Variants in RBFOX1 observed in about 807,000 individuals in gnomAD.
RBFOX1 encodes the protein RNA binding fox-1 homolog 1.
RBFOX1 carries 8 observed loss-of-function variants against 57.7 expected under a neutral mutation model. The ratio of observed to expected loss-of-function variants is 0.14; its 90% CI spans 0.08 to 0.25. The LOEUF is 0.25. RBFOX1 is among the 10% of genes least tolerant of loss of function. The pLI is 1.00. For synonymous variants in RBFOX1, 326 were observed against 222.4 expected (o/e 1.47, Z -4.15); for missense variants, 611 against 548.5 (o/e 1.11, Z -1.14).
chr16:5,391,624 G>C (rs1004269014), intron 1 of RBFOX1, among the ~76,000 whole-genome samples: 7 of 152,152 alleles, frequency 4.6e-5, no homozygotes, highest in Admixed American at 1.3e-4. Flanking sequence ...TCCTCCTGAA[G>C]GCTGTCTGTT....
At chr16:7,374,196 A>G (rs1283468841) in intron 4 of RBFOX1, among the ~76,000 whole-genome samples, 1 of 152,120 alleles carries the variant, frequency 6.6e-6, no homozygotes, top group Non-Finnish European at 1.5e-5. Flanking sequence ...TGGAGCATGA[A>G]TTTTGGGGAT....
chr16:7,348,197 C>T (rs551101262), intron 4 of RBFOX1, among the ~76,000 whole-genome samples: 3 of 152,086 alleles, frequency 2.0e-5, no homozygotes. Flanking sequence ...ATGCATATAC[C>T]ACATAGATAC....
intron 14 of RBFOX1, 47 bp downstream of exon 14, chr16:7,676,885 T>C: frequency 1.3e-6 from 2 of 1,528,274 alleles, no homozygotes; most frequent in Non-Finnish European, 1.8e-6. Flanking sequence ...TAAATTAACT[T>C]AGTTGATGGG....
At chr16:5,500,532 C>A (rs1385252768) in intron 2 of RBFOX1, among the ~76,000 whole-genome samples, 1 of 152,126 alleles carries the variant, frequency 6.6e-6, no homozygotes, top group South Asian at 2.1e-4. Flanking sequence ...GAGTATCAGG[C>A]TTTCAAATGT....
intron 2 of RBFOX1, among the ~76,000 whole-genome samples, chr16:6,383,893 GT>G (rs942563715): frequency 2.0e-5 from 3 of 151,970 alleles, no homozygotes; most frequent in African/African-American, 4.8e-5. Context: ...TCTGGTTTTT[GT>G]TTTGTTTTTT....
At chr16:5,327,946 A>G (rs2064631924) in intron 1 of RBFOX1, among the ~76,000 whole-genome samples, 1 of 152,136 alleles carries the variant, frequency 6.6e-6, no homozygotes, top group Admixed American at 6.5e-5. Flanking sequence ...TGTTTCTCTG[A>G]TTATTTCTAC....
chr16:7,467,297 A>T (rs74346138), intron 4 of RBFOX1, among the ~76,000 whole-genome samples: 2 of 152,164 alleles, frequency 1.3e-5, no homozygotes, highest in South Asian at 2.1e-4. Context: ...GCTGCTGGGT[A>T]TGGCTGTTGC....
chr16:6,110,031 A>C (rs1020282509), intron 1 of RBFOX1, among the ~76,000 whole-genome samples: 3 of 152,130 alleles, frequency 2.0e-5, no homozygotes, highest in African/African-American at 7.2e-5. Flanking sequence ...AATACCACAC[A>C]TGGAATAAAT....
chr16:5,447,605 C>T (rs985169396), intron 1 of RBFOX1, among the ~76,000 whole-genome samples: 8 of 152,194 alleles, frequency 5.3e-5, no homozygotes, highest in Non-Finnish European at 8.8e-5. Context: ...ACCATGTTGG[C>T]CAGGCTGATG....
intron 4 of RBFOX1, among the ~76,000 whole-genome samples, chr16:7,157,294 A>G (rs2077354501): frequency 6.6e-6 from 1 of 152,218 alleles, no homozygotes; most frequent in African/African-American, 2.4e-5. Context: ...ATGCTTGATT[A>G]CTAAATGAAT....
intron 1 of RBFOX1, among the ~76,000 whole-genome samples, chr16:6,044,863 C>T (rs1185407145): frequency 6.6e-6 from 1 of 152,188 alleles, no homozygotes. Context: ...TGTTTCTGTA[C>T]TGTTCGCTGT....
intron 2 of RBFOX1, among the ~76,000 whole-genome samples, chr16:6,514,283 T>G (rs1347123331): frequency 2.1e-4 from 32 of 152,190 alleles, no homozygotes; most frequent in Admixed American, 2.0e-3. Flanking sequence ...TTCCACTTCA[T>G]CTTACCATAT....
Position 7,180,947 on chromosome 16 carries a change from C to T in RBFOX1, c.27+128849C>T, listed in dbSNP as rs180704879. ...GGGTGGTGGACCATACGGTCTGTGT[C>T]ACAACTACTCAGCTTTGCAGTTGTA... On this transcript the variant is annotated intron_variant, in intron 4 of 15. Coordinates refer to ENST00000550418, the MANE Select transcript of RBFOX1 (RefSeq NM_018723.4). Among the ~76,000 whole-genome samples, 59 of 152,282 alleles carry T rather than the reference C, an allele frequency of 3.9e-4. 1 individual carries two copies. Among genetic ancestry groups the T allele is most frequent in the African/African-American group, 1.3e-3 (55 of 41,560 alleles).
chr16:5,972,748 G>T (rs1220192118), intron 4 of RBFOX1, among the ~76,000 whole-genome samples: 2 of 152,126 alleles, frequency 1.3e-5, no homozygotes, highest in Non-Finnish European at 2.9e-5. Context: ...AGCTGCACGT[G>T]TTTCTCACCC....
At chr16:5,547,384 C>G (rs2045254835) in intron 2 of RBFOX1, among the ~76,000 whole-genome samples, 1 of 152,086 alleles carries the variant, frequency 6.6e-6, no homozygotes, top group Non-Finnish European at 1.5e-5. Context: ...ATGTAGAAAA[C>G]AATTTGTGGC....
chr16:5,710,817 G>A (rs1276880247), intron 3 of RBFOX1, among the ~76,000 whole-genome samples: 3 of 152,206 alleles, frequency 2.0e-5, no homozygotes, highest in African/African-American at 7.2e-5. Flanking sequence ...GCATTTGTGT[G>A]CCAGGCAGGG....
chr16:6,748,277 C>G (rs1053139007), intron 3 of RBFOX1, among the ~76,000 whole-genome samples: 1 of 152,048 alleles, frequency 6.6e-6, no homozygotes, highest in African/African-American at 2.4e-5. Flanking sequence ...CTCTCTCTCT[C>G]TCTCTACACA....
At chr16:5,555,074 C>T (rs1217693792) in intron 2 of RBFOX1, among the ~76,000 whole-genome samples, 1 of 152,098 alleles carries the variant, frequency 6.6e-6, no homozygotes, top group Non-Finnish European at 1.5e-5. Flanking sequence ...TAAATGTACT[C>T]TTTTGTGTGT....
chr16:7,372,654 C>G (rs757460432), intron 4 of RBFOX1, among the ~76,000 whole-genome samples: 5 of 151,896 alleles, frequency 3.3e-5, no homozygotes, highest in Admixed American at 6.6e-5. Flanking sequence ...AGCCTGTGTC[C>G]CCAGTATTCT....
Sources: gnomAD v4.1 joint callset for allele counts (sites outside exome capture counted in the v4.1 genomes callset) on GRCh38, gnomAD v4.1.1 for gene constraint, MANE v1.5 for transcripts, NCBI Gene and HGNC (gene_info 2026-07-23, HGNC 2026-07-21) for gene names.